The following NUP54 variants were observed in gnomAD, a reference collection of about 807,000 sequenced individuals.
NUP54 encodes nucleoporin 54, also known as nucleoporin p54.
NUP54 carries 27 observed loss-of-function variants against 66.4 expected under a neutral mutation model. That is an observed-to-expected ratio of 0.41 (90% confidence interval 0.30 to 0.56). NUP54 has a LOEUF of 0.56. Ranked by LOEUF, NUP54 falls within the 20% of genes least tolerant of loss-of-function variation. The probability of loss-of-function intolerance (pLI) is 0.34; values close to 1 mark genes in which losing one functional copy is unlikely to be tolerated. For synonymous variants in NUP54, 206 were observed against 210.7 expected (o/e 0.98, Z 0.19); for missense variants, 486 against 596.3 (o/e 0.82, Z 1.93).
chr4:76,129,396 C>T (rs868440945), intron 8 of NUP54, among the ~76,000 whole-genome samples: 5 of 152,122 alleles, frequency 3.3e-5, no homozygotes, highest in Non-Finnish European at 7.4e-5. Context: ...AACACAAATC[C>T]GTAAGTGTTG....
In NUP54 at chr4:76,124,741, T is replaced by C. The variant is rs769247955; in HGVS notation, c.1072A>G (p.Ile358Val). ...GTTTGATTCTTTTGTAGCTCACTAA[T>C]ATCTTCAGATATGATCTGTTTAAAA... ...QTRLDIISEDISELQKNQTTS... is the reference protein window; with the variant it reads ...QTRLDIISEDVSELQKNQTTS... Residue 358 changes from isoleucine (I) to valine (V), a missense_variant, in exon 9 of 12, where the codon ATT (isoleucine) becomes GTT (valine). Coordinates refer to ENST00000264883, the MANE Select transcript of NUP54 (RefSeq NM_017426.4). 14 of 1,327,622 alleles carry C rather than the reference T, an allele frequency of 1.1e-5. No homozygotes were observed. Among genetic ancestry groups the C allele is most frequent in the Non-Finnish European group, 1.4e-5 (14 of 981,890 alleles). 82.2% of individuals were successfully genotyped at this position (1,327,622 alleles called of 1,614,324 possible). A position where few individuals can be genotyped will look rare whatever the true frequency, so the allele number is the denominator to read the frequency against.
In NUP54 at chr4:76,136,255, T is replaced by C. The variant is rs1250936452; in HGVS notation, c.453A>G (p.Gly151=). The change falls in exon 4 of 12, where the codon GGA becomes GGG. Residue 151 remains glycine, a synonymous_variant. Transcript: ENST00000264883. ...WNQLQAFWGT[G]KGYFNNNIPP... ...GAATATTATTGTTGAAATACCCTTT[T>C]CCTGTTCCCCAAAAGGCCTGCAGTT... 2 of 1,614,016 alleles carry C rather than the reference T, an allele frequency of 1.2e-6. No individual in the cohort carries two copies. The highest frequency in any genetic ancestry group is 1.7e-5 in the Admixed American group (1 of 59,996).
At chr4:76,119,542 CTTT>C (rs11358048) in intron 9 of NUP54, among the ~76,000 whole-genome samples, 23 of 143,334 alleles carry the variant, frequency 1.6e-4, no homozygotes, top group East Asian at 4.0e-4. Context: ...AATTTTTTTT[CTTT>C]TTTTTTTTTT....
At chr4:76,141,451 T>G (rs1351128172) in intron 3 of NUP54, among the ~76,000 whole-genome samples, 1 of 152,214 alleles carries the variant, frequency 6.6e-6, no homozygotes, top group Non-Finnish European at 1.5e-5. Context: ...AAACATCTGC[T>G]CTTGCTTTAG....
At chr4:76,124,275 C>T (rs749419836) in intron 9 of NUP54, among the ~76,000 whole-genome samples, 2 of 151,880 alleles carry the variant, frequency 1.3e-5, no homozygotes, top group African/African-American at 2.4e-5. Context: ...TATTGTTTTT[C>T]GACCATTATG....
chr4:76,131,098 A>G (rs1424946209), intron 7 of NUP54, 132 bp downstream of exon 7: 2 of 681,952 alleles, frequency 2.9e-6, no homozygotes, highest in South Asian at 1.8e-5. Flanking sequence ...ACAATAATCA[A>G]TATTTTTTAA....
chr4:76,141,797 C>G (rs886848483), intron 3 of NUP54, among the ~76,000 whole-genome samples: 1 of 152,180 alleles, frequency 6.6e-6, no homozygotes, highest in Non-Finnish European at 1.5e-5. Context: ...TAAAGGACAG[C>G]TCCTTAGTAA....
At chr4:76,127,408 G>A (rs1469701604) in intron 8 of NUP54, among the ~76,000 whole-genome samples, 1 of 129,422 alleles carries the variant, frequency 7.7e-6, no homozygotes, top group Non-Finnish European at 1.5e-5. Context: ...CTCCAGCCTG[G>A]GCGACAGAAC....
chr4:76,127,585 C>T (rs1463563838), intron 8 of NUP54, among the ~76,000 whole-genome samples: 1 of 151,772 alleles, frequency 6.6e-6, no homozygotes, highest in Non-Finnish European at 1.5e-5. Flanking sequence ...ATGTAGGATA[C>T]TCTCAGACTT....
At chr4:76,122,216 T>C (rs1456484205) in intron 9 of NUP54, among the ~76,000 whole-genome samples, 3 of 152,230 alleles carry the variant, frequency 2.0e-5, no homozygotes, top group African/African-American at 7.2e-5. Context: ...TTTTAAGAAA[T>C]TGATAAATAG....
intron 9 of NUP54, among the ~76,000 whole-genome samples, chr4:76,122,559 C>T (rs1730280194): frequency 6.6e-6 from 1 of 152,184 alleles, no homozygotes; most frequent in Non-Finnish European, 1.5e-5. Flanking sequence ...ATTTGCATCT[C>T]TTTAAAATAG....
intron 8 of NUP54, among the ~76,000 whole-genome samples, chr4:76,128,396 G>GA (rs5859495): frequency 0.017 from 2,105 of 120,572 alleles, 80 homozygotes; most frequent in African/African-American, 0.053. Context: ...AGGAAATGCT[G>GA]AAAAAAAAAA....
chr4:76,118,898 G>A (rs1052618637), intron 9 of NUP54, among the ~76,000 whole-genome samples: 5 of 151,864 alleles, frequency 3.3e-5, no homozygotes, highest in African/African-American at 1.2e-4. Flanking sequence ...CCAGCTACTC[G>A]GGAGGCTGAG....
At chr4:76,125,376 G>A (rs1307738524) in intron 8 of NUP54, among the ~76,000 whole-genome samples, 1 of 150,408 alleles carries the variant, frequency 6.6e-6, no homozygotes, top group Non-Finnish European at 1.5e-5. Flanking sequence ...GGTCACTCCT[G>A]TAATCCTAGC....
At chr4:76,139,322 CGTG>C (rs1731165426) in intron 3 of NUP54, among the ~76,000 whole-genome samples, 1 of 152,100 alleles carries the variant, frequency 6.6e-6, no homozygotes, top group Non-Finnish European at 1.5e-5. Context: ...AGCCTCTCAA[CGTG>C]ACGTGATATG....
Position 76,124,736 on chromosome 4 carries a change from A to G in NUP54, c.1077T>C (p.Ser359=). The G allele has an allele frequency of 6.8e-7, 1 of 1,478,170 alleles. No homozygotes were observed. Among genetic ancestry groups the G allele is most frequent in the Non-Finnish European group, 9.2e-7 (1 of 1,088,742 alleles). 91.6% of individuals were successfully genotyped at this position (1,478,170 alleles called of 1,614,324 possible). ...ATGTAGTTTGATTCTTTTGTAGCTCACTAATATCTTCAGATATGATCTGTT... is the reference window on the plus strand; with the variant it reads ...ATGTAGTTTGATTCTTTTGTAGCTCGCTAATATCTTCAGATATGATCTGTT... ...TRLDIISEDI[S]ELQKNQTTSV... is the part of the protein sequence containing the mutation. The change falls in exon 9 of 12, where the codon AGT becomes AGC. Residue 359 remains serine (S), a synonymous_variant. Transcript: ENST00000264883.
chr4:76,119,923 TTTA>T (rs1266661900), intron 9 of NUP54, among the ~76,000 whole-genome samples: 5 of 152,082 alleles, frequency 3.3e-5, no homozygotes, highest in Admixed American at 1.3e-4. Flanking sequence ...TTAACAAAAT[TTTA>T]TTATCAATAT....
intron 3 of NUP54, among the ~76,000 whole-genome samples, chr4:76,140,934 T>C (rs951351420): frequency 6.6e-6 from 1 of 152,144 alleles, no homozygotes; most frequent in Admixed American, 6.5e-5. Flanking sequence ...CTAAGCTAGT[T>C]AGAGTAGTGA....
At chr4:76,123,588 CT>C (rs1441523191) in intron 9 of NUP54, among the ~76,000 whole-genome samples, 4 of 152,054 alleles carry the variant, frequency 2.6e-5, no homozygotes, top group Non-Finnish European at 5.9e-5. Flanking sequence ...TCTCGGCTCA[CT>C]GCAACCTCCG....
Sources: gnomAD v4.1 joint callset for allele counts (sites outside exome capture counted in the v4.1 genomes callset) on GRCh38, gnomAD v4.1.1 for gene constraint, MANE v1.5 for transcripts, NCBI Gene and HGNC (gene_info 2026-07-23, HGNC 2026-07-21) for gene names.